The following CX3CR1 variants were observed in gnomAD, a reference collection of about 807,000 sequenced individuals.
CX3CR1 encodes CX3C chemokine receptor 1.
For synonymous variants in CX3CR1, 168 were observed against 178.5 expected (o/e 0.94, Z 0.47); for missense variants, 363 against 432.4 (o/e 0.84, Z 1.42).
At chr3:39,274,411 A>G (rs1316114928) in intron 1 of CX3CR1, among the ~76,000 whole-genome samples, 2 of 146,624 alleles carry the variant, frequency 1.4e-5, no homozygotes, top group African/African-American at 5.1e-5. Context: ...CTAGAACAGC[A>G]TGGCATTGTC....
At chr3:39,267,730 A>G (rs1278176956) in intron 1 of CX3CR1, among the ~76,000 whole-genome samples, 1 of 152,234 alleles carries the variant, frequency 6.6e-6, no homozygotes. Context: ...TCTCCGGGTG[A>G]CTAATTCCCC....
At position 39,278,640 on chromosome 3, in the gene CX3CR1, ATTTTTTTTTCTTTTC is replaced by A. The variant is rs1235498068; in HGVS notation, c.-10+1299_-10+1313del. Among the ~76,000 whole-genome samples, 671 of 139,424 alleles carry A rather than the reference ATTTTTTTTTCTTTTC, an allele frequency of 4.8e-3. 2 individuals carry two copies. The highest frequency in any genetic ancestry group is 8.3e-3 in the Non-Finnish European group (543 of 65,808). The allele number at this position is 139,424 out of a possible 152,430, so 91.5% of individuals were successfully genotyped here. On this transcript the variant is annotated intron_variant, in intron 1 of 1. Coordinates refer to ENST00000399220, the MANE Select transcript of CX3CR1 (RefSeq NM_001337.4). ...TCTACCTCAAGTATTTCAAAAATTA[ATTTTTTTTTCTTTTC>A]TTTTTTTTTTTTTTTTTTGTGGAGT...
chr3:39,286,653 G>A (rs1404752744), upstream of CX3CR1: 3 of 73,504 alleles, frequency 4.1e-5, no homozygotes, highest in East Asian at 1.3e-3. Context: ...GCGAGACTCC[G>A]TCTCAAAAAA....
chr3:39,279,304 C>G (rs2040872104), intron 1 of CX3CR1, among the ~76,000 whole-genome samples: 1 of 151,976 alleles, frequency 6.6e-6, no homozygotes, highest in South Asian at 2.1e-4. Context: ...CCACAGTAAT[C>G]TTTTAGCTTT....
At position 39,265,331 on chromosome 3, in the gene CX3CR1, G is replaced by T; in HGVS notation, c.*111C>A. ...CTCTAGGGTTGTTTTGTGTGCATTGGGTCCATCATTTTGTGCCTGTAAGAA... is the reference window on the plus strand; with the variant it reads ...CTCTAGGGTTGTTTTGTGTGCATTGTGTCCATCATTTTGTGCCTGTAAGAA... On this transcript the variant is annotated 3_prime_UTR_variant, in exon 2 of 2. Transcript: ENST00000399220. The T allele has an allele frequency of 8.8e-7, 1 of 1,136,282 alleles. No homozygotes were observed. The highest frequency in any genetic ancestry group is 1.3e-6 in the Non-Finnish European group (1 of 797,078). The allele number at this position is 1,136,282 out of a possible 1,614,324, so 70.4% of individuals were successfully genotyped here. A position where few individuals can be genotyped will look rare whatever the true frequency, so the allele number is the denominator to read the frequency against.
intron 1 of CX3CR1, among the ~76,000 whole-genome samples, chr3:39,272,230 A>G (rs550385174): frequency 9.8e-5 from 15 of 152,346 alleles, no homozygotes; most frequent in Admixed American, 2.6e-4. Context: ...TCTCTGGGCC[A>G]TCCTCAGGCC....
rs377651777 is a variant in CX3CR1, at chr3:39,265,423, C to G, written c.*19G>C. The G allele has an allele frequency of 1.3e-6, 2 of 1,581,470 alleles. No individual in the cohort carries two copies. The highest frequency in any genetic ancestry group is 2.7e-5 in the African/African-American group (2 of 73,834). On this transcript the variant is annotated 3_prime_UTR_variant, in exon 2 of 2. Coordinates refer to ENST00000399220, the MANE Select transcript of CX3CR1 (RefSeq NM_001337.4). ...AGGAACTCCAGGTTCTCTGTAGACA[C>G]AAGGCTTTGGGATTCCCTTCAGAGA...
At chr3:39,292,050 A>T in the CX3CR1 span, among the ~76,000 whole-genome samples, 1 of 152,200 alleles carries the variant, frequency 6.6e-6, no homozygotes. Flanking sequence ...AATCACATGA[A>T]GTGCTGCTCC....
intron 1 of CX3CR1, among the ~76,000 whole-genome samples, chr3:39,272,813 G>A (rs149386824): frequency 3.9e-4 from 59 of 152,266 alleles, no homozygotes; most frequent in Non-Finnish European, 5.9e-4. Context: ...ATGCCATTGT[G>A]CTGTTGACAT....
chr3:39,283,819 ATATATATATATATATATATATAAT>A (rs1487458015), upstream of CX3CR1, among the ~76,000 whole-genome samples: 19 of 70,682 alleles, frequency 2.7e-4, no homozygotes, highest in Non-Finnish European at 8.9e-5. Flanking sequence ...ATATATATAT[ATATATATATATATATATATATAAT>A]GTGGTTAATA....
upstream of CX3CR1, chr3:39,281,649 C>G: frequency 6.3e-7 from 1 of 1,599,360 alleles, no homozygotes; most frequent in Non-Finnish European, 8.5e-7. Context: ...AGAGCTCTTC[C>G]TGAAATCCAA....
At chr3:39,269,004 C>G (rs967350892) in intron 1 of CX3CR1, among the ~76,000 whole-genome samples, 1 of 152,074 alleles carries the variant, frequency 6.6e-6, no homozygotes, top group Non-Finnish European at 1.5e-5. Context: ...CTTTAAAGGT[C>G]ACTTTATTTT....
chr3:39,287,101 C>T, the CX3CR1 span: 4 of 152,168 alleles, frequency 2.6e-5, no homozygotes, highest in Admixed American at 1.3e-4. Flanking sequence ...TTTTGTCCAT[C>T]TCTATTCTTT....
At chr3:39,273,872 C>T (rs2040808231) in intron 1 of CX3CR1, among the ~76,000 whole-genome samples, 1 of 152,172 alleles carries the variant, frequency 6.6e-6, no homozygotes, top group African/African-American at 2.4e-5. Flanking sequence ...TCAAGAGATC[C>T]TCCTGCCTGG....
At chr3:39,291,220 CT>C in the CX3CR1 span, among the ~76,000 whole-genome samples, 1 of 151,912 alleles carries the variant, frequency 6.6e-6, no homozygotes, top group Non-Finnish European at 1.5e-5. Context: ...CTATGTCCAC[CT>C]AGTTTTTGTA....
upstream of CX3CR1, chr3:39,281,553 A>G: frequency 1.3e-6 from 2 of 1,484,838 alleles, no homozygotes; most frequent in Non-Finnish European, 1.9e-6. Flanking sequence ...GGGCCTGGAT[A>G]ATTTCCCAAG....
At position 39,265,889 on chromosome 3, in the gene CX3CR1, C is replaced by T. The variant is rs754549648; in HGVS notation, c.621G>A (p.Met207Ile). 1.4e-5 allele frequency: 23 copies of T among 1,614,206 alleles called. No homozygotes were observed. Among genetic ancestry groups the T allele is most frequent in the Non-Finnish European group, 1.9e-5 (23 of 1,180,040 alleles). The change falls in exon 2 of 2, where the codon ATG (methionine) becomes ATA (isoleucine). Residue 207 changes from methionine to isoleucine, a missense_variant. Met to Ile is a conservative substitution (Grantham distance 10). Transcript: ENST00000399220. Reference protein sequence around the residue: ...FLGFLLPLLIMSYCYFRIIQT... With the variant: ...FLGFLLPLLIISYCYFRIIQT... ...GGATGATTCTGAAGTAGCAATAACT[C>T]ATAATGAGCAGGGGGAGTAGGAAGC...
At chr3:39,267,706 G>A (rs2040722498) in intron 1 of CX3CR1, among the ~76,000 whole-genome samples, 1 of 152,348 alleles carries the variant, frequency 6.6e-6, no homozygotes, top group South Asian at 2.1e-4. Flanking sequence ...GGCTCCGTTA[G>A]TCTGCTGGGC....
intron 1 of CX3CR1, among the ~76,000 whole-genome samples, chr3:39,269,178 T>G (rs1347754300): frequency 6.6e-6 from 1 of 152,048 alleles, no homozygotes; most frequent in Non-Finnish European, 1.5e-5. Flanking sequence ...CTATATTTAA[T>G]TCACTGCACT....
Sources: gnomAD v4.1 joint callset for allele counts (sites outside exome capture counted in the v4.1 genomes callset) on GRCh38, gnomAD v4.1.1 for gene constraint, MANE v1.5 for transcripts, NCBI Gene and HGNC (gene_info 2026-07-23, HGNC 2026-07-21) for gene names.